Variants in FAT3 observed in about 807,000 individuals in gnomAD.
The protein encoded by FAT3 is FAT atypical cadherin 3, also known as protocadherin Fat 3.
Under a neutral mutation model 310.2 loss-of-function variants are expected in FAT3, and 95 were observed. That is an observed-to-expected ratio of 0.31 (90% CI 0.26 to 0.36). The LOEUF (loss-of-function observed/expected upper bound fraction) is 0.36. FAT3 is among the 10% of genes least tolerant of loss of function. The pLI is 1.00. For synonymous variants in FAT3, 2,314 were observed against 2,192.9 expected, an observed-to-expected ratio of 1.06 and a Z score of -1.54; for missense variants, 5,408 against 5,715.6, an observed-to-expected ratio of 0.95 and a Z score of 1.74.
intron 3 of FAT3, among the ~76,000 whole-genome samples, chr11:92,650,657 A>G (rs1366903948): frequency 6.6e-6 from 1 of 152,202 alleles, no homozygotes. Flanking sequence ...GTCATTGAAC[A>G]TGGAATTGAG....
At chr11:92,756,786 C>T (rs1214123316) in intron 4 of FAT3, among the ~76,000 whole-genome samples, 1 of 152,062 alleles carries the variant, frequency 6.6e-6, no homozygotes, top group Non-Finnish European at 1.5e-5. Context: ...ATTTTTGGTC[C>T]TACGAAGCTC....
At chr11:92,675,392 C>T (rs1943255487) in intron 3 of FAT3, among the ~76,000 whole-genome samples, 3 of 152,274 alleles carry the variant, frequency 2.0e-5, no homozygotes, top group Middle Eastern at 3.4e-3. Context: ...AAACTTAAAA[C>T]TCAATGGGCA....
At position 92,801,011 on chromosome 11, in the gene FAT3, T is replaced by C. The variant is rs571354618; in HGVS notation, c.7998T>C (p.Phe2666=). The stretch of plus-strand genomic sequence containing the variant: ...GCTGGATGGTCACAAAGGGTAATTT[T>C]AACCAGCTGAAAAATACAGTGCTTT... ...DNGWMVTKGN[F]NQLKNTVLSF... is the part of the protein sequence containing the mutation. Residue 2666 remains phenylalanine (F), a synonymous_variant, in exon 10 of 28, where the codon TTT becomes TTC. Transcript: ENST00000525166. The C allele has an allele frequency of 6.2e-7, 1 of 1,613,624 alleles. No homozygotes were observed. The highest frequency in any genetic ancestry group is 1.7e-5 in the Admixed American group (1 of 59,990).
intron 2 of FAT3, among the ~76,000 whole-genome samples, chr11:92,397,505 G>A (rs1297586342): frequency 6.6e-6 from 1 of 152,094 alleles, no homozygotes; most frequent in Non-Finnish European, 1.5e-5. Context: ...AGCTTTGGCT[G>A]GGTTAAATCA....
At chr11:92,472,211 A>C (rs1221122263) in intron 2 of FAT3, among the ~76,000 whole-genome samples, 2 of 151,982 alleles carry the variant, frequency 1.3e-5, no homozygotes, top group African/African-American at 4.8e-5. Context: ...TACTCTTTTG[A>C]ATGTTCTGAA....
intron 1 of FAT3, among the ~76,000 whole-genome samples, chr11:92,322,402 C>T (rs1220485570): frequency 6.6e-6 from 1 of 152,186 alleles, no homozygotes; most frequent in Non-Finnish European, 1.5e-5. Context: ...TTGATGGCTG[C>T]TGCTGACTAA....
intron 2 of FAT3, among the ~76,000 whole-genome samples, chr11:92,424,899 C>T (rs1950598437): frequency 6.6e-6 from 1 of 151,938 alleles, no homozygotes; most frequent in African/African-American, 2.4e-5. Flanking sequence ...AACTTTTTAG[C>T]ATTTCCTTCC....
chr11:92,852,560 C>CA (rs2136311104), intron 19 of FAT3, among the ~76,000 whole-genome samples: 1 of 152,116 alleles, frequency 6.6e-6, no homozygotes. Context: ...CTATCCTTGC[C>CA]AAAAACTATC....
chr11:92,666,592 C>T (rs1203026979), intron 3 of FAT3, among the ~76,000 whole-genome samples: 2 of 151,392 alleles, frequency 1.3e-5, no homozygotes, highest in Non-Finnish European at 1.5e-5. Context: ...GATCTCCTGA[C>T]CTCGTGATCC....
chr11:92,815,200 G>A, intron 13 of FAT3, among the ~76,000 whole-genome samples: 1 of 152,258 alleles, frequency 6.6e-6, no homozygotes, highest in African/African-American at 2.4e-5. Flanking sequence ...AGGAAAACCA[G>A]GGACTAGGAA....
intron 2 of FAT3, among the ~76,000 whole-genome samples, chr11:92,488,963 CAT>C (rs754450546): frequency 6.6e-6 from 1 of 152,038 alleles, no homozygotes; most frequent in Non-Finnish European, 1.5e-5. Context: ...TAATATCTTC[CAT>C]ATTAAAATTG....
rs372553234 is a variant in FAT3, at chr11:92,353,324, G to A, written c.1212G>A (p.Pro404=). 18 of 1,613,434 alleles carry A rather than the reference G, an allele frequency of 1.1e-5. No homozygotes were observed. Among genetic ancestry groups the A allele is most frequent in the East Asian group, 4.5e-5 (2 of 44,874 alleles). ...VVAIVKLSPE[P]IDVEYKLSPG... ...CTATAGTAAAATTAAGTCCTGAACC[G>A]ATAGATGTGGAATACAAATTATCTC... Residue 404 remains proline (P), a synonymous_variant, in exon 2 of 28, where the codon CCG becomes CCA. Coordinates refer to ENST00000525166, the MANE Select transcript of FAT3 (RefSeq NM_001367949.2).
intron 3 of FAT3, among the ~76,000 whole-genome samples, chr11:92,695,598 A>T (rs1943914295): frequency 6.6e-6 from 1 of 152,228 alleles, no homozygotes; most frequent in Non-Finnish European, 1.5e-5. Flanking sequence ...GTCTGTAGCA[A>T]AACTGAAGAA....
chr11:92,336,414 C>A (rs186053424), intron 1 of FAT3: 1 of 333,220 alleles, frequency 3.0e-6, no homozygotes, highest in Non-Finnish European at 5.8e-6. Flanking sequence ...GGATTCCCAG[C>A]GGAGGTGGGT....
chr11:92,573,921 A>AT (rs1222246062), intron 3 of FAT3, among the ~76,000 whole-genome samples: 1 of 152,156 alleles, frequency 6.6e-6, no homozygotes, highest in African/African-American at 2.4e-5. Context: ...ACATTGGTCA[A>AT]TTTAAAAAAA....
chr11:92,866,110 AT>A (rs1326984108), intron 21 of FAT3, among the ~76,000 whole-genome samples: 1 of 152,232 alleles, frequency 6.6e-6, no homozygotes, highest in African/African-American at 2.4e-5. Context: ...TAAATCTTAA[AT>A]GTAGACAAAG....
intron 1 of FAT3, among the ~76,000 whole-genome samples, chr11:92,258,370 A>G (rs1865397370): frequency 6.6e-6 from 1 of 152,128 alleles, no homozygotes; most frequent in Admixed American, 6.6e-5. Flanking sequence ...GCTCCAAGGG[A>G]TCAAAGTGCT....
At chr11:92,664,988 T>C (rs1942905871) in intron 3 of FAT3, among the ~76,000 whole-genome samples, 1 of 152,194 alleles carries the variant, frequency 6.6e-6, no homozygotes, top group Non-Finnish European at 1.5e-5. Flanking sequence ...ATATCCACCC[T>C]AAAAATCCTC....
chr11:92,442,111 A>ATATATATATTTTTTTT (rs1453396603), intron 2 of FAT3, among the ~76,000 whole-genome samples: 5 of 45,210 alleles, frequency 1.1e-4, no homozygotes, highest in Admixed American at 9.0e-4. Flanking sequence ...ATATATATAT[A>ATATATATATTTTTTTT]TTTTTTTTTT....
Sources: gnomAD v4.1 joint callset for allele counts (sites outside exome capture counted in the v4.1 genomes callset) on GRCh38, gnomAD v4.1.1 for gene constraint, MANE v1.5 for transcripts, NCBI Gene and HGNC (gene_info 2026-07-23, HGNC 2026-07-21) for gene names.